The following BCAR3 variants were observed in gnomAD, a reference collection of about 807,000 sequenced individuals.
BCAR3 encodes BCAR3 adaptor protein, NSP family member, also known as breast cancer anti-estrogen resistance protein 3.
A neutral mutation model predicts 80.1 loss-of-function variants in BCAR3; 37 were observed. The observed-to-expected ratio is 0.46, with a 90% CI of 0.36 to 0.61. BCAR3 has a LOEUF of 0.61. Ranked by LOEUF, BCAR3 falls within the 20% of genes least tolerant of loss-of-function variation. BCAR3 has a pLI of 0.00. For synonymous variants in BCAR3, 389 were observed against 418.9 expected (o/e 0.93, Z 0.87); for missense variants, 978 against 1,068.2 (o/e 0.92, Z 1.18).
At chr1:93,608,973 A>T (rs1674863702) in intron 3 of BCAR3, among the ~76,000 whole-genome samples, 1 of 152,156 alleles carries the variant, frequency 6.6e-6, no homozygotes, top group South Asian at 2.1e-4. Flanking sequence ...CAATGCTGGG[A>T]TGTGTCACCA....
At position 93,833,532 on chromosome 1, in the gene BCAR3, G is replaced by C. The variant is rs753526139; in HGVS notation, c.-63+12035C>G. Among the ~76,000 whole-genome samples, 11 of 152,166 alleles carry C rather than the reference G, an allele frequency of 7.2e-5. No homozygotes were observed. In the East Asian group the frequency reaches 2.1e-3, roughly 29 times the overall value. ...TCATCCCTTATCTACAACTGCATAA[G>C]ACAGACACTCCCAGAGCGGTCATTT... is the stretch of plus-strand genomic sequence containing the variant. On this transcript the variant is annotated intron_variant, in intron 2 of 13. Transcript: ENST00000370244.
intron 2 of BCAR3, among the ~76,000 whole-genome samples, chr1:93,789,878 A>G (rs960626): frequency 0.14 from 21,557 of 152,186 alleles, 2,497 homozygotes; most frequent in African/African-American, 0.31. Flanking sequence ...TCCATTGCAC[A>G]GTCAGTCATA....
rs143791789 is a variant in BCAR3, at chr1:93,788,983, CCTTT to C, written c.-63+56580_-63+56583del. ...TATTCCCTCCCTTCCTCCCTCCCTTCCTTTATTTTTTCTTCCTCTATCTTTCTCT... is the reference window on the plus strand; with the variant it reads ...TATTCCCTCCCTTCCTCCCTCCCTTCATTTTTTCTTCCTCTATCTTTCTCT... On this transcript the variant is annotated intron_variant, in intron 2 of 13. Transcript: ENST00000370244. Among the ~76,000 whole-genome samples the C allele has an allele frequency of 2.9e-3, 448 of 152,176 alleles. 4 individuals carry two copies. Among genetic ancestry groups the C allele is most frequent in the South Asian group, 0.013 (65 of 4,816 alleles).
chr1:93,663,079 C>A (rs1358437039), intron 2 of BCAR3, among the ~76,000 whole-genome samples: 3 of 152,132 alleles, frequency 2.0e-5, no homozygotes, highest in Non-Finnish European at 4.4e-5. Context: ...CTCATCTACT[C>A]CAGGCCAGCG....
Position 93,567,392 on chromosome 1 carries a change from A to G in BCAR3, c.2186T>C (p.Met729Thr). 6.2e-7 allele frequency: 1 copy of G among 1,614,048 alleles called. No individual in the cohort carries two copies. The highest frequency in any genetic ancestry group is 1.3e-5 in the African/African-American group (1 of 75,024). The change falls in exon 11 of 12, where the codon ATG becomes ACG. Residue 729 changes from methionine to threonine, a missense_variant. Coordinates refer to ENST00000260502, the MANE Select transcript of BCAR3 (RefSeq NM_003567.4). ...RQAVTFEGTDMWEKNDQSCEI... is the reference protein window; with the variant it reads ...RQAVTFEGTDTWEKNDQSCEI... ...ACAGCTCTGGTCGTTTTTTTCCCAC[A>G]TGTCGGTTCCTTCAAAAGTCACAGC...
intron 2 of BCAR3, among the ~76,000 whole-genome samples, chr1:93,670,208 G>A (rs769617524): frequency 2.4e-4 from 37 of 152,148 alleles, no homozygotes; most frequent in Non-Finnish European, 4.1e-4. Context: ...GAGAAACCTG[G>A]GTCTGCTTGC....
chr1:93,724,087 T>TCAC (rs1650498457), intron 2 of BCAR3, among the ~76,000 whole-genome samples: 1 of 152,096 alleles, frequency 6.6e-6, no homozygotes, highest in East Asian at 1.9e-4. Flanking sequence ...AACAAAGTGA[T>TCAC]TAAGTAGGGC....
chr1:93,817,255 A>G (rs1000529498), intron 2 of BCAR3, among the ~76,000 whole-genome samples: 1 of 152,232 alleles, frequency 6.6e-6, no homozygotes, highest in African/African-American at 2.4e-5. Context: ...TGGGCATCAA[A>G]GCAGGGGCTG....
Position 93,571,852 on chromosome 1 carries a change from G to T in BCAR3, c.1803-11C>A, listed in dbSNP as rs1673232018. On this transcript the variant is annotated splice_polypyrimidine_tract_variant and intron_variant, in intron 8 of 11. Coordinates refer to ENST00000260502, the MANE Select transcript of BCAR3 (RefSeq NM_003567.4). ...GCCATTGTGTTGTGTCTGAAAGCCA[G>T]GAGATCAGCGGTCAGGTTCAGGGCC... 2.5e-6 allele frequency: 4 copies of T among 1,609,156 alleles called. No homozygotes were observed. The highest frequency in any genetic ancestry group is 3.4e-6 in the Non-Finnish European group (4 of 1,177,248).
At chr1:93,718,955 G>A (rs559079947) in intron 2 of BCAR3, among the ~76,000 whole-genome samples, 1 of 151,854 alleles carries the variant, frequency 6.6e-6, no homozygotes, top group African/African-American at 2.4e-5. Context: ...GCCCGCCTCG[G>A]CCTCCCAAAG....
intron 3 of BCAR3, among the ~76,000 whole-genome samples, chr1:93,595,409 G>C (rs6541385): frequency 0.067 from 10,196 of 152,254 alleles, 713 homozygotes; most frequent in African/African-American, 0.18. Context: ...AGCCAGTGAG[G>C]GCTGGCTCGA....
intron 2 of BCAR3, among the ~76,000 whole-genome samples, chr1:93,724,919 G>A (rs1334284780): frequency 6.6e-6 from 1 of 152,112 alleles, no homozygotes; most frequent in Non-Finnish European, 1.5e-5. Context: ...CCCAGGAAGG[G>A]GTTTCAGTAC....
chr1:93,759,294 C>CA (rs1269735390), intron 2 of BCAR3, among the ~76,000 whole-genome samples: 1 of 152,164 alleles, frequency 6.6e-6, no homozygotes, highest in Admixed American at 6.5e-5. Context: ...CTACCCTTCA[C>CA]AAAAAAGAGA....
chr1:93,618,557 G>A (rs1675208435), intron 3 of BCAR3, among the ~76,000 whole-genome samples: 1 of 152,156 alleles, frequency 6.6e-6, no homozygotes, highest in Non-Finnish European at 1.5e-5. Context: ...ACTGTGCCCT[G>A]TTTTGCTTTC....
intron 3 of BCAR3, among the ~76,000 whole-genome samples, chr1:93,697,410 T>C (rs1364123846): frequency 6.6e-6 from 1 of 152,198 alleles, no homozygotes; most frequent in Non-Finnish European, 1.5e-5. Flanking sequence ...ACGCTGTTTA[T>C]AAGACAGCCT....
intron 7 of BCAR3, among the ~76,000 whole-genome samples, chr1:93,578,435 C>T (rs1186040012): frequency 2.6e-5 from 4 of 152,208 alleles, no homozygotes; most frequent in African/African-American, 7.2e-5. Flanking sequence ...CCCCTAACCC[C>T]ATCTTCTTCC....
At chr1:93,651,971 C>G (rs1420414845) in intron 2 of BCAR3, among the ~76,000 whole-genome samples, 1 of 152,214 alleles carries the variant, frequency 6.6e-6, no homozygotes, top group Non-Finnish European at 1.5e-5. Flanking sequence ...CAGCGGTGCT[C>G]TCTGGCAGTG....
At chr1:93,699,282 G>A (rs1048160579) in intron 3 of BCAR3, among the ~76,000 whole-genome samples, 3 of 152,132 alleles carry the variant, frequency 2.0e-5, no homozygotes, top group African/African-American at 4.8e-5. Flanking sequence ...GTTTCCCTTC[G>A]GGGGAGAGAA....
chr1:93,762,668 C>T (rs927954006), intron 2 of BCAR3, among the ~76,000 whole-genome samples: 3 of 152,184 alleles, frequency 2.0e-5, no homozygotes, highest in Non-Finnish European at 4.4e-5. Flanking sequence ...ATTCCATCCC[C>T]AACCCCAATA....
Sources: allele counts gnomAD v4.1 joint callset (sites outside exome capture counted in the v4.1 genomes callset), GRCh38; gene constraint gnomAD v4.1.1; transcripts MANE v1.5; gene names NCBI Gene and HGNC (gene_info 2026-07-23, HGNC 2026-07-21).